ATXN7: variants seen among roughly 807,000 people sequenced by gnomAD.
ATXN7 encodes the protein ataxin 7, also known as ataxin-7.
In ATXN7, 12 loss-of-function variants were observed where a neutral mutation model predicts 70.5. That is an observed-to-expected ratio of 0.17 (90% CI 0.11 to 0.28). The LOEUF (loss-of-function observed/expected upper bound fraction) is 0.28. ATXN7 is among the 10% of genes least tolerant of loss of function. The pLI is 1.00. For missense variants in ATXN7, 1,256 were observed against 1,131.7 expected (o/e 1.11, Z -1.58); for synonymous variants, 498 against 448.7 (o/e 1.11, Z -1.39).
chr3:63,981,898 A>T (rs914393700), intron 6 of ATXN7, among the ~76,000 whole-genome samples: 1 of 152,228 alleles, frequency 6.6e-6, no homozygotes, highest in Non-Finnish European at 1.5e-5. Context: ...ATTGCATTGC[A>T]TTGGGTATCA....
chr3:63,999,562 CT>C lies in ATXN7; in HGVS notation c.*96del. 6.3e-7 allele frequency: 1 copy of C among 1,580,332 alleles called. No individual in the cohort carries two copies. The highest frequency in any genetic ancestry group is 8.6e-7 in the Non-Finnish European group (1 of 1,160,984). ...TCTGGACTCCACGATGCCTTTGAGTCTGTTTTCCCAACCTCCTGTGGGCCTC... is the reference window on the plus strand; with the variant it reads ...TCTGGACTCCACGATGCCTTTGAGTCGTTTTCCCAACCTCCTGTGGGCCTC... On this transcript the variant is annotated 3_prime_UTR_variant, in exon 13 of 13. Transcript: ENST00000674280.
chr3:63,894,165 G>A (rs1703372826), intron 1 of ATXN7, among the ~76,000 whole-genome samples: 1 of 152,154 alleles, frequency 6.6e-6, no homozygotes, highest in Non-Finnish European at 1.5e-5. Flanking sequence ...TGAGTACTTT[G>A]GAAATTACAT....
chr3:63,910,328 A>G (rs1388507582), intron 2 of ATXN7, among the ~76,000 whole-genome samples: 1 of 152,172 alleles, frequency 6.6e-6, no homozygotes, highest in South Asian at 2.1e-4. Flanking sequence ...TCAACAAGCA[A>G]GCTCCCTTTG....
chr3:63,966,731 C>G (rs2075230008), intron 5 of ATXN7, among the ~76,000 whole-genome samples: 1 of 152,194 alleles, frequency 6.6e-6, no homozygotes, highest in Admixed American at 6.5e-5. Flanking sequence ...TCATGCCTCT[C>G]TCAGAACTCT....
At chr3:63,906,808 C>G (rs1405086231) in intron 2 of ATXN7, among the ~76,000 whole-genome samples, 2 of 152,156 alleles carry the variant, frequency 1.3e-5, no homozygotes, top group African/African-American at 4.8e-5. Context: ...GTTTGAAGTT[C>G]TGAATTTGTC....
intron 4 of ATXN7, among the ~76,000 whole-genome samples, chr3:63,931,316 C>A (rs896085616): frequency 2.4e-4 from 37 of 151,572 alleles, no homozygotes; most frequent in Non-Finnish European, 3.7e-4. Context: ...CCCGCCCCCC[C>A]AAAAAAAAGT....
Position 63,912,838 on chromosome 3 carries a change from G to T in ATXN7, c.240G>T (p.Glu80Asp). 1 of 1,606,978 alleles carries T rather than the reference G, an allele frequency of 6.2e-7. No individual in the cohort carries two copies. The highest frequency in any genetic ancestry group is 8.5e-7 in the Non-Finnish European group (1 of 1,176,994). Residue 80 changes from glutamate (E) to aspartate (D), a missense_variant, in exon 3 of 13, where the codon GAG (glutamate) becomes GAT (aspartate). Physicochemically the swap from Glu to Asp is conservative, Grantham distance 45. Transcript: ENST00000674280. ...CCGCCGCAATGGCGACGGTCGGGGAGCGCAGGCCTCTGCCCAGTCCTGAAG... is the reference window on the plus strand; with the variant it reads ...CCGCCGCAATGGCGACGGTCGGGGATCGCAGGCCTCTGCCCAGTCCTGAAG... ...TSAAAMATVG[E>D]RRPLPSPEVM...
intron 4 of ATXN7, among the ~76,000 whole-genome samples, chr3:63,942,327 G>A (rs2074782878): frequency 6.6e-6 from 1 of 152,196 alleles, no homozygotes; most frequent in African/African-American, 2.4e-5. Context: ...GCCTCTCTGT[G>A]CTGCCTCACT....
At chr3:63,965,559 T>C (rs1203551966) in intron 5 of ATXN7, among the ~76,000 whole-genome samples, 1 of 152,220 alleles carries the variant, frequency 6.6e-6, no homozygotes, top group Non-Finnish European at 1.5e-5. Flanking sequence ...GTTATTCTAT[T>C]AAGATGTTAT....
intron 5 of ATXN7, among the ~76,000 whole-genome samples, chr3:63,977,385 C>T (rs13060787): frequency 6.6e-6 from 1 of 152,088 alleles, no homozygotes; most frequent in Non-Finnish European, 1.5e-5. Context: ...CTCTGAGACA[C>T]CTGCTTGAGA....
chr3:63,874,758 G>T (rs1469655450), intron 1 of ATXN7, among the ~76,000 whole-genome samples: 1 of 152,140 alleles, frequency 6.6e-6, no homozygotes, highest in African/African-American at 2.4e-5. Context: ...ACTAATGTTT[G>T]GCCTCATTTG....
chr3:63,966,025 T>C (rs1214545238), intron 5 of ATXN7, among the ~76,000 whole-genome samples: 1 of 152,212 alleles, frequency 6.6e-6, no homozygotes, highest in East Asian at 1.9e-4. Context: ...TTCACCCTGG[T>C]TTTTTACAGG....
chr3:63,992,465 G>C (rs1482261434), intron 11 of ATXN7, among the ~76,000 whole-genome samples: 1 of 152,082 alleles, frequency 6.6e-6, no homozygotes, highest in African/African-American at 2.4e-5. Flanking sequence ...ATTGGGAGTT[G>C]GAAAGCACAC....
chr3:63,983,941 AAGTT>A (rs750650191), intron 8 of ATXN7, among the ~76,000 whole-genome samples: 3 of 152,108 alleles, frequency 2.0e-5, no homozygotes, highest in Non-Finnish European at 4.4e-5. Flanking sequence ...AAAATGATAA[AAGTT>A]AGCATTTTCT....
intron 1 of ATXN7, among the ~76,000 whole-genome samples, chr3:63,869,909 A>G (rs1323011179): frequency 3.3e-5 from 5 of 152,166 alleles, no homozygotes; most frequent in Non-Finnish European, 7.3e-5. Flanking sequence ...ATGGGGTTGC[A>G]TTCTCTATTG....
intron 4 of ATXN7, among the ~76,000 whole-genome samples, chr3:63,940,124 C>T (rs2074729880): frequency 6.6e-6 from 1 of 152,060 alleles, no homozygotes; most frequent in African/African-American, 2.4e-5. Context: ...TCCTGGGAAT[C>T]CAGAAAACCA....
intron 1 of ATXN7, among the ~76,000 whole-genome samples, chr3:63,883,277 C>A (rs1702972645): frequency 6.6e-6 from 1 of 152,082 alleles, no homozygotes; most frequent in Admixed American, 6.5e-5. Context: ...TAGAGAAAAG[C>A]AGTATTAGAT....
chr3:63,881,383 T>G (rs537987103), intron 1 of ATXN7, among the ~76,000 whole-genome samples: 44 of 152,282 alleles, frequency 2.9e-4, no homozygotes, highest in African/African-American at 9.9e-4. Flanking sequence ...TAAACTGATT[T>G]CTGAAGAAGT....
At chr3:63,888,311 G>A (rs1242293521) in intron 1 of ATXN7, among the ~76,000 whole-genome samples, 2 of 152,014 alleles carry the variant, frequency 1.3e-5, no homozygotes, top group Non-Finnish European at 2.9e-5. Flanking sequence ...GGTCCAGAGA[G>A]GTCTCGGTTA....
Sources: allele counts gnomAD v4.1 joint callset (sites outside exome capture counted in the v4.1 genomes callset), GRCh38; gene constraint gnomAD v4.1.1; transcripts MANE v1.5; gene names NCBI Gene and HGNC (gene_info 2026-07-23, HGNC 2026-07-21).